Variants in KCTD10 observed in about 807,000 individuals in gnomAD.
KCTD10 encodes potassium channel tetramerization domain containing 10.
KCTD10 carries 13 observed loss-of-function variants against 34.6 expected under a neutral mutation model. The ratio of observed to expected loss-of-function variants is 0.38; its 90% CI spans 0.24 to 0.60. The LOEUF (loss-of-function observed/expected upper bound fraction) is 0.60, where lower values mean the gene tolerates loss of function less well. Ranked by LOEUF, KCTD10 falls within the 20% of genes least tolerant of loss-of-function variation. The probability of loss-of-function intolerance (pLI) is 0.66; values close to 1 mark genes in which losing one functional copy is unlikely to be tolerated. For synonymous variants in KCTD10, 156 were observed against 168.8 expected (o/e 0.92, Z 0.59); for missense variants, 256 against 420.3 (o/e 0.61, Z 3.42).
chr12:109,470,336 T>C (rs567657374), intron 1 of KCTD10: 3 of 985,500 alleles, frequency 3.0e-6, no homozygotes, highest in South Asian at 9.4e-5. Flanking sequence ...ACAACAGACA[T>C]GGAAACTTTT....
At chr12:109,469,051 C>T (rs1873742772) in intron 2 of KCTD10, 1 of 191,404 alleles carries the variant, frequency 5.2e-6, no homozygotes, top group African/African-American at 2.4e-5. Context: ...CACATATACA[C>T]ACATGCACTG....
At chr12:109,469,263 C>A in intron 2 of KCTD10, 1 of 511,178 alleles carries the variant, frequency 2.0e-6, no homozygotes, top group South Asian at 2.4e-5. Context: ...AGATACCTCT[C>A]TCTCCCCCAG....
chr12:109,473,422 A>G (rs1409615635), intron 1 of KCTD10, among the ~76,000 whole-genome samples: 3 of 152,170 alleles, frequency 2.0e-5, no homozygotes, highest in Non-Finnish European at 4.4e-5. Context: ...AAACACTCCA[A>G]ACACTCAAAT....
intron 2 of KCTD10, among the ~76,000 whole-genome samples, chr12:109,463,029 G>C (rs1260876096): frequency 1.3e-5 from 2 of 152,136 alleles, no homozygotes; most frequent in African/African-American, 4.8e-5. Context: ...CAGAGGCTCA[G>C]AGAGGTGCAG....
chr12:109,465,794 T>C (rs1243603275), intron 2 of KCTD10, among the ~76,000 whole-genome samples: 10 of 152,254 alleles, frequency 6.6e-5, no homozygotes, highest in African/African-American at 2.4e-4. Context: ...CCCCAGGAAC[T>C]GCAGTTTTCC....
chr12:109,459,850 T>C (rs1873222393), intron 3 of KCTD10, among the ~76,000 whole-genome samples: 2 of 151,922 alleles, frequency 1.3e-5, no homozygotes, highest in Admixed American at 6.6e-5. Flanking sequence ...GTAGGAGGGG[T>C]ATGGTGGTGT....
At position 109,460,456 on chromosome 12, in the gene KCTD10, TC is replaced by T; in HGVS notation, c.387+179del. The T allele has an allele frequency of 1.6e-6, 1 of 612,060 alleles. No individual in the cohort carries two copies. Among genetic ancestry groups the T allele is most frequent in the Non-Finnish European group, 2.9e-6 (1 of 349,612 alleles). 37.9% of individuals were successfully genotyped at this position (612,060 alleles called of 1,614,324 possible). A position where few individuals can be genotyped will look rare whatever the true frequency, so the allele number is the denominator to read the frequency against. On this transcript the variant is annotated intron_variant, in intron 3 of 6. Transcript: ENST00000228495. The surrounding 1 kb of genome is among the most constrained non-coding windows in gnomAD (Gnocchi z 4.5). ...ACACAGTAGTTAGGTGGCCTGCTGT[TC>T]CAGGGAGGCCTCTCAGGGGTCACTC...
chr12:109,452,837 T>C (rs73194272), intron 6 of KCTD10, among the ~76,000 whole-genome samples: 17,747 of 139,112 alleles, frequency 0.13, 1,489 homozygotes, highest in African/African-American at 0.26. Flanking sequence ...AAATCCTGGT[T>C]TTCTTTCCTT....
At chr12:109,474,760 G>A (rs1874069249) in intron 1 of KCTD10, among the ~76,000 whole-genome samples, 1 of 152,158 alleles carries the variant, frequency 6.6e-6, no homozygotes, top group South Asian at 2.1e-4. Context: ...GGAAGCAACT[G>A]TATGCATGCA....
intron 1 of KCTD10, among the ~76,000 whole-genome samples, chr12:109,476,897 G>A (rs566871640): frequency 6.6e-6 from 1 of 152,066 alleles, no homozygotes; most frequent in East Asian, 1.9e-4. Flanking sequence ...CCAAATGTCC[G>A]TTTTCAATTG....
chr12:109,471,341 C>A (rs988500827), intron 1 of KCTD10: 3 of 985,386 alleles, frequency 3.0e-6, no homozygotes, highest in Non-Finnish European at 3.6e-6. Context: ...CCATGGCACC[C>A]AACAGTGGCC....
At chr12:109,462,126 G>A (rs1287416720) in intron 2 of KCTD10, among the ~76,000 whole-genome samples, 2 of 152,186 alleles carry the variant, frequency 1.3e-5, no homozygotes, top group Admixed American at 1.3e-4. Context: ...TCTTAAGTCT[G>A]CCCGCTTTCC....
Position 109,477,294 on chromosome 12 carries a change from C to G in KCTD10, c.-32G>C, listed in dbSNP as rs1343868436. On this transcript the variant is annotated 5_prime_UTR_variant, in exon 1 of 7. Transcript: ENST00000228495. ...TCGGAGGACGCAGGAGTCTCCAAAC[C>G]CGGACTGAGAGAGGCAGGAAACACC... is the stretch of plus-strand genomic sequence containing the variant. 3.7e-6 allele frequency: 6 copies of G among 1,613,712 alleles called. No individual in the cohort carries two copies. The highest frequency in any genetic ancestry group is 1.7e-4 in the Middle Eastern group (1 of 6,058).
At chr12:109,454,278 T>C (rs1226486771) in intron 6 of KCTD10, among the ~76,000 whole-genome samples, 1 of 152,226 alleles carries the variant, frequency 6.6e-6, no homozygotes, top group Non-Finnish European at 1.5e-5. Context: ...TAAGGGCCAA[T>C]GCTCTTAGAG....
chr12:109,470,962 A>C (rs1328004467), intron 1 of KCTD10: 2 of 257,696 alleles, frequency 7.8e-6, no homozygotes, highest in Non-Finnish European at 6.1e-6. Flanking sequence ...CTGTCTCTCA[A>C]ATCACCCAAC....
chr12:109,465,628 C>A (rs1873553301), intron 2 of KCTD10, among the ~76,000 whole-genome samples: 1 of 152,178 alleles, frequency 6.6e-6, no homozygotes, highest in Non-Finnish European at 1.5e-5. Flanking sequence ...CACAAAGGGG[C>A]CCCACAGGTA....
chr12:109,458,203 T>G (rs1454424429), intron 3 of KCTD10, 125 bp from the exon 4 acceptor site: 6 of 681,422 alleles, frequency 8.8e-6, no homozygotes, highest in Non-Finnish European at 1.5e-5. Context: ...AGAGAAGGAT[T>G]CTCACCACCA....
chr12:109,476,509 A>G (rs546664526), intron 1 of KCTD10, among the ~76,000 whole-genome samples: 1 of 152,258 alleles, frequency 6.6e-6, no homozygotes, highest in African/African-American at 2.4e-5. Context: ...CAGCTGAGAG[A>G]CAGATCTTGA....
At chr12:109,457,907 CAT>C (rs1873109076) in intron 4 of KCTD10, 83 bp downstream of exon 4, 1 of 1,228,312 alleles carries the variant, frequency 8.1e-7, no homozygotes, top group African/African-American at 1.5e-5. Context: ...GGCAATTATA[CAT>C]GTTTTTATTT....
Sources: gnomAD v4.1 joint callset for allele counts (sites outside exome capture counted in the v4.1 genomes callset) on GRCh38, gnomAD v4.1.1 for gene constraint, Gnocchi (gnomAD v3.1) non-coding constraint, MANE v1.5 for transcripts, NCBI Gene and HGNC (gene_info 2026-07-23, HGNC 2026-07-21) for gene names.